MTUS2: variants seen among roughly 807,000 people sequenced by gnomAD.
MTUS2 encodes the protein microtubule-associated tumor suppressor candidate 2.
A neutral mutation model predicts 114.1 loss-of-function variants in MTUS2; 40 were observed. The observed-to-expected ratio is 0.35, with a 90% CI of 0.27 to 0.46. The LOEUF (loss-of-function observed/expected upper bound fraction) is 0.46, where lower values mean the gene tolerates loss of function less well. Ranked by LOEUF, MTUS2 falls within the 20% of genes least tolerant of loss-of-function variation. The pLI is 1.00. For missense variants in MTUS2, 1,679 were observed against 1,705.4 expected, an observed-to-expected ratio of 0.98 and a Z score of 0.27; for synonymous variants, 688 against 672.0, an observed-to-expected ratio of 1.02 and a Z score of -0.37.
chr13:29,031,622 G>A (rs531112406), intron 3 of MTUS2, among the ~76,000 whole-genome samples: 30 of 151,930 alleles, frequency 2.0e-4, no homozygotes, highest in African/African-American at 7.0e-4. Context: ...CCCTGCAACT[G>A]ATTAGATGAG....
intron 5 of MTUS2, among the ~76,000 whole-genome samples, chr13:29,191,287 C>T (rs894796135): frequency 2.0e-5 from 3 of 152,050 alleles, no homozygotes; most frequent in African/African-American, 7.2e-5. Flanking sequence ...CCATCACTGG[C>T]ACTAGAATCT....
chr13:28,841,127 A>G (rs959663254), intron 2 of MTUS2, among the ~76,000 whole-genome samples: 1 of 152,240 alleles, frequency 6.6e-6, no homozygotes, highest in Non-Finnish European at 1.5e-5. Context: ...GAGTGTATTC[A>G]TAATGGATGG....
intron 2 of MTUS2, among the ~76,000 whole-genome samples, chr13:28,900,871 A>C (rs1367863058): frequency 1.3e-5 from 2 of 152,220 alleles, no homozygotes; most frequent in East Asian, 3.9e-4. Context: ...TTTCCTGTGA[A>C]TATCACTTTT....
intron 7 of MTUS2, among the ~76,000 whole-genome samples, chr13:29,348,999 A>G (rs147455083): frequency 2.8e-3 from 424 of 152,158 alleles, no homozygotes; most frequent in African/African-American, 9.6e-3. Context: ...CCAATCTGAA[A>G]TCTCCGGCTT....
intron 5 of MTUS2, among the ~76,000 whole-genome samples, chr13:29,156,411 A>T (rs576061104): frequency 1.3e-5 from 2 of 152,226 alleles, no homozygotes; most frequent in Non-Finnish European, 2.9e-5. Context: ...CCAAGTGAAA[A>T]TCGTGCCCAT....
chr13:29,202,484 A>C (rs1254283428), intron 5 of MTUS2, among the ~76,000 whole-genome samples: 1 of 151,946 alleles, frequency 6.6e-6, no homozygotes, highest in Non-Finnish European at 1.5e-5. Context: ...TTGGTATTAC[A>C]CACCTTCTGA....
intron 8 of MTUS2, among the ~76,000 whole-genome samples, chr13:29,388,652 TAA>T (rs973199332): frequency 1.3e-5 from 2 of 151,822 alleles, no homozygotes; most frequent in Non-Finnish European, 2.9e-5. Context: ...AAAAAATAAT[TAA>T]GTCACCTTTT....
At chr13:29,447,632 G>A (rs1321239092) in intron 9 of MTUS2, among the ~76,000 whole-genome samples, 1 of 139,150 alleles carries the variant, frequency 7.2e-6, no homozygotes, top group South Asian at 2.3e-4. Flanking sequence ...TTTTTTTAAT[G>A]CTGGTCATAA....
intron 2 of MTUS2, among the ~76,000 whole-genome samples, chr13:28,917,888 C>T (rs1880836800): frequency 6.6e-6 from 1 of 151,708 alleles, no homozygotes; most frequent in South Asian, 2.1e-4. Flanking sequence ...ATTGCTTTTG[C>T]TGTATCCCAT....
chr13:28,974,795 A>G (rs1884014524), intron 2 of MTUS2, among the ~76,000 whole-genome samples: 1 of 152,208 alleles, frequency 6.6e-6, no homozygotes, highest in African/African-American at 2.4e-5. Flanking sequence ...TCCACATGTC[A>G]AATCCTGACA....
intron 10 of MTUS2, among the ~76,000 whole-genome samples, chr13:29,484,418 C>T (rs908714400): frequency 6.6e-5 from 10 of 152,266 alleles, no homozygotes; most frequent in African/African-American, 2.4e-4. Context: ...CCTGCCATCA[C>T]AGCCCAGAGG....
chr13:29,041,532 G>T (rs1221013230), intron 4 of MTUS2, among the ~76,000 whole-genome samples: 2 of 152,082 alleles, frequency 1.3e-5, no homozygotes, highest in Non-Finnish European at 2.9e-5. Flanking sequence ...ATTGCTTTTG[G>T]CAGTGTGGTC....
In MTUS2 at chr13:29,480,159, C is replaced by A; in HGVS notation, c.3194C>A (p.Thr1065Lys). 2 of 1,553,502 alleles carry A rather than the reference C, an allele frequency of 1.3e-6. No individual in the cohort carries two copies. The highest frequency in any genetic ancestry group is 1.7e-6 in the Non-Finnish European group (2 of 1,147,964). ...TGTGCTTTGCGCCCAGCCTTCCATA[C>A]AGCAAAGTGCGAGAAACTACAAAAG... ...ANIRDEVAFH[T>K]AKCEKLQKEK... The change falls in exon 10 of 16, where the codon ACA (threonine) becomes AAA (lysine). Residue 1065 changes from threonine (T) to lysine (K), a missense_variant. By Grantham distance (78) the Thr-to-Lys change is moderately conservative. This residue lies in a region of MTUS2 where 822 missense variants were observed against 899.7 expected (regional missense o/e 0.91). Transcript: ENST00000612955. This position sits in a 1 kb window ranked among gnomAD's most constrained non-coding sequence, Gnocchi z 4.4.
chr13:29,194,960 T>G (rs945769763), intron 5 of MTUS2, among the ~76,000 whole-genome samples: 11 of 149,332 alleles, frequency 7.4e-5, no homozygotes, highest in Non-Finnish European at 6.0e-5. Context: ...ATGGATGAAA[T>G]TGGAAATCAT....
In MTUS2 at chr13:28,948,485, A is replaced by G. The variant is rs907738732; in HGVS notation, c.-242-75972A>G. Among the ~76,000 whole-genome samples, 4 of 152,168 alleles carry G rather than the reference A, an allele frequency of 2.6e-5. No homozygotes were observed. In the East Asian group the frequency reaches 7.7e-4, roughly 29 times the overall value. Reference sequence around the variant, plus strand: ...ACATTCTCTGCATTTAGAAATATGCAAGCAGATGGCAGGCACCTGCCTGTC... The same window carrying G: ...ACATTCTCTGCATTTAGAAATATGCGAGCAGATGGCAGGCACCTGCCTGTC... On this transcript the variant is annotated intron_variant, in intron 2 of 15. Coordinates refer to ENST00000612955, the MANE Select transcript of MTUS2 (RefSeq NM_001033602.4).
chr13:29,300,259 G>T (rs1277433773), intron 6 of MTUS2, among the ~76,000 whole-genome samples: 2 of 152,114 alleles, frequency 1.3e-5, no homozygotes, highest in Non-Finnish European at 2.9e-5. Flanking sequence ...CCTGTAGGCT[G>T]GTCTGAAACC....
At position 29,144,210 on chromosome 13, in the gene MTUS2, C is replaced by T. The variant is rs149275707; in HGVS notation, c.2644+43240C>T. On this transcript the variant is annotated intron_variant, in intron 5 of 15. Coordinates refer to ENST00000612955, the MANE Select transcript of MTUS2 (RefSeq NM_001033602.4). Reference sequence around the variant, plus strand: ...TTTTCCATTGCTGTGTAGCAAATTACAGAAACTCAGTAGCTTAAAACAACC... The same window carrying T: ...TTTTCCATTGCTGTGTAGCAAATTATAGAAACTCAGTAGCTTAAAACAACC... Among the ~76,000 whole-genome samples the T allele has an allele frequency of 2.8e-3, 420 of 152,318 alleles. 2 individuals carry two copies. The highest frequency in any genetic ancestry group is 9.6e-3 in the African/African-American group (400 of 41,572).
chr13:28,993,246 A>G (rs897765873), intron 2 of MTUS2, among the ~76,000 whole-genome samples: 32 of 152,188 alleles, frequency 2.1e-4, no homozygotes, highest in Non-Finnish European at 4.7e-4. Flanking sequence ...CTTTTTGTGT[A>G]TACCTAGAAG....
intron 4 of MTUS2, among the ~76,000 whole-genome samples, chr13:29,051,987 T>C (rs1252240052): frequency 6.6e-6 from 1 of 152,228 alleles, no homozygotes; most frequent in African/African-American, 2.4e-5. Context: ...AACACTCACA[T>C]GCAGAACTTC....
Sources: gnomAD v4.1 joint callset for allele counts (sites outside exome capture counted in the v4.1 genomes callset) on GRCh38, gnomAD v4.1.1 for gene constraint, gnomAD v4.1.1 regional missense constraint, Gnocchi (gnomAD v3.1) non-coding constraint, MANE v1.5 for transcripts, NCBI Gene and HGNC (gene_info 2026-07-23, HGNC 2026-07-21) for gene names.